SORL1: variants seen among roughly 807,000 people sequenced by gnomAD.
SORL1 encodes sortilin related receptor 1, also known as sortilin-related receptor.
SORL1 carries 127 observed loss-of-function variants against 273.7 expected under a neutral mutation model. The observed-to-expected ratio is 0.46, with a 90% CI of 0.40 to 0.54. SORL1 has a LOEUF of 0.54. Among genes scored for constraint, SORL1 ranks in the 20% least tolerant of loss-of-function variants. The probability of loss-of-function intolerance (pLI) is 0.00; values close to 1 mark genes in which losing one functional copy is unlikely to be tolerated. For synonymous variants in SORL1, 1,031 were observed against 1,067.4 expected (o/e 0.97, Z 0.66); for missense variants, 2,494 against 2,846.1 (o/e 0.88, Z 2.81).
At chr11:121,487,238 A>G (rs1025641396) in intron 3 of SORL1, among the ~76,000 whole-genome samples, 2 of 152,202 alleles carry the variant, frequency 1.3e-5, no homozygotes, top group African/African-American at 4.8e-5. Flanking sequence ...ACTTGAGGGA[A>G]GGCATCTTGG....
At chr11:121,566,040 CTGGATTTTTGTCCTGGGCCCACCA>C (rs1053160872) in intron 21 of SORL1, among the ~76,000 whole-genome samples, 1 of 152,148 alleles carries the variant, frequency 6.6e-6, no homozygotes, top group African/African-American at 2.4e-5. Context: ...AAGGGGAGGC[CTGGATTTTTGTCCTGGGCCCACCA>C]TTAACCAGGT....
At chr11:121,524,049 T>C (rs1862082491) in intron 11 of SORL1, among the ~76,000 whole-genome samples, 1 of 152,176 alleles carries the variant, frequency 6.6e-6, no homozygotes, top group Admixed American at 6.5e-5. Flanking sequence ...GCTCAGACAC[T>C]GTGTACTGTA....
intron 39 of SORL1, 188 bp downstream of exon 39, chr11:121,611,346 T>C (rs570650642): frequency 2.0e-6 from 1 of 496,890 alleles, no homozygotes; most frequent in African/African-American, 1.9e-5. Flanking sequence ...AACTTGAGTC[T>C]TCACATGTAA....
chr11:121,629,562 GA>G lies in SORL1; in HGVS notation c.*2del. 2 of 1,490,786 alleles carry G rather than the reference GA, an allele frequency of 1.3e-6. No individual in the cohort carries two copies. Among genetic ancestry groups the G allele is most frequent in the Non-Finnish European group, 1.9e-6 (2 of 1,067,490 alleles). 92.3% of individuals were successfully genotyped at this position (1,490,786 alleles called of 1,614,324 possible). A position where few individuals can be genotyped will look rare whatever the true frequency, so the allele number is the denominator to read the frequency against. On this transcript the variant is annotated frameshift_variant and stop_lost, in exon 48 of 48. Transcript: ENST00000260197. LOFTEE classifies it high-confidence loss of function. ...FSDDVPMVIA[*>X] is the part of the protein sequence containing the mutation. ...GATGACGTCCCCATGGTGATAGCCT[GA>G]AAGAGCTTTCCTCACTAGAAACCAA...
intron 8 of SORL1, among the ~76,000 whole-genome samples, chr11:121,517,692 C>T (rs1204333267): frequency 6.6e-6 from 1 of 152,214 alleles, no homozygotes; most frequent in Non-Finnish European, 1.5e-5. Flanking sequence ...CCCTCCTTGC[C>T]TGAGCGCACA....
At chr11:121,598,234 A>C (rs1400684709) in intron 32 of SORL1, among the ~76,000 whole-genome samples, 1 of 152,218 alleles carries the variant, frequency 6.6e-6, no homozygotes, top group African/African-American at 2.4e-5. Context: ...CCAGGTGCCC[A>C]TTAGGAGGCT....
chr11:121,491,546 C>A (rs1861553217), intron 5 of SORL1, among the ~76,000 whole-genome samples: 1 of 152,144 alleles, frequency 6.6e-6, no homozygotes, highest in African/African-American at 2.4e-5. Flanking sequence ...TCTTCACCAC[C>A]CCAAATCAGC....
intron 23 of SORL1, among the ~76,000 whole-genome samples, chr11:121,572,236 G>A (rs1346505476): frequency 6.6e-6 from 1 of 152,148 alleles, no homozygotes; most frequent in Admixed American, 6.5e-5. Flanking sequence ...AGTTTTGAGA[G>A]GAATGAAGAC....
At chr11:121,497,942 G>C (rs991311886) in intron 6 of SORL1, among the ~76,000 whole-genome samples, 1 of 152,202 alleles carries the variant, frequency 6.6e-6, no homozygotes, top group African/African-American at 2.4e-5. Context: ...ATTGGTAGCA[G>C]GCCAGGTGGA....
chr11:121,587,968 C>T, intron 27 of SORL1, 52 bp from the exon 28 acceptor site: 1 of 1,604,192 alleles, frequency 6.2e-7, no homozygotes, highest in Non-Finnish European at 8.5e-7. Context: ...GGCTAGAGGG[C>T]CCAGCCAGCC....
chr11:121,621,613 T>C (rs778308722), intron 44 of SORL1, among the ~76,000 whole-genome samples: 27 of 152,220 alleles, frequency 1.8e-4, no homozygotes, highest in Non-Finnish European at 3.2e-4. Context: ...CAGTGGTCCA[T>C]TGTGGCAATC....
At chr11:121,544,879 C>T (rs1253184045) in intron 13 of SORL1, among the ~76,000 whole-genome samples, 2 of 152,176 alleles carry the variant, frequency 1.3e-5, no homozygotes, top group Non-Finnish European at 2.9e-5. Flanking sequence ...GGAACATTAA[C>T]CCCCAATGGT....
chr11:121,452,580 T>G lies in SORL1; in HGVS notation c.249T>G (p.Ala83=). The G allele has an allele frequency of 6.6e-7, 1 of 1,522,896 alleles. No individual in the cohort carries two copies. The highest frequency in any genetic ancestry group is 8.8e-7 in the Non-Finnish European group (1 of 1,142,816). 94.3% of individuals were successfully genotyped at this position (1,522,896 alleles called of 1,614,324 possible). Residue 83 remains alanine (A), a synonymous_variant, in exon 1 of 48, where the codon GCT becomes GCG. Transcript: ENST00000260197. This position sits in a 1 kb window ranked among gnomAD's most constrained non-coding sequence, Gnocchi z 5.3. ...AGCCGCTCCGGAGGAAACGGAGCGCTGCCCTGCAGCCCGAGCCCATCAAGG... is the reference window on the plus strand; with the variant it reads ...AGCCGCTCCGGAGGAAACGGAGCGCGGCCCTGCAGCCCGAGCCCATCAAGG... The part of the protein sequence containing the change: ...DEKPLRRKRS[A]ALQPEPIKVY...
Position 121,492,940 on chromosome 11 carries a change from T to A in SORL1, c.758+2830T>A, listed in dbSNP as rs572463211. ...GCCTCAGCCTCCTGAGTAGCTGGGA[T>A]TACAGGTGCCTGCCACCACGCCTGG... On this transcript the variant is annotated intron_variant, in intron 5 of 47. Coordinates refer to ENST00000260197, the MANE Select transcript of SORL1 (RefSeq NM_003105.6). 4.0e-5 allele frequency among the ~76,000 whole-genome samples: 6 copies of A among 151,768 alleles called. No homozygotes were observed. In the East Asian group the frequency reaches 9.7e-4, roughly 25 times the overall value.
intron 46 of SORL1, 41 bp downstream of exon 46, chr11:121,625,318 G>A: frequency 1.3e-6 from 2 of 1,486,916 alleles, no homozygotes; most frequent in Non-Finnish European, 1.9e-6. Context: ...TCAGTTCTAG[G>A]GAAATAGCAA....
chr11:121,490,066 C>G lies in SORL1; in HGVS notation c.714C>G (p.Gly238=). ...NKQLWKSDDF[G]QTWIMIQEHV... ...AGCTGTGGAAGTCAGATGACTTTGG[C>G]CAGACCTGGATCATGATTCAGGAAC... Residue 238 remains glycine (G), a synonymous_variant, in exon 5 of 48, where the codon GGC becomes GGG. Transcript: ENST00000260197. The G allele has an allele frequency of 6.2e-7, 1 of 1,613,804 alleles. No individual in the cohort carries two copies. The highest frequency in any genetic ancestry group is 8.5e-7 in the Non-Finnish European group (1 of 1,179,718).
intron 3 of SORL1, among the ~76,000 whole-genome samples, chr11:121,480,545 C>G (rs1174574401): frequency 1.3e-5 from 2 of 151,982 alleles, no homozygotes; most frequent in African/African-American, 4.8e-5. Context: ...GCTTCATCTC[C>G]TCCTCCTCAC....
intron 16 of SORL1, among the ~76,000 whole-genome samples, chr11:121,553,368 G>T (rs1862533269): frequency 6.6e-6 from 1 of 152,184 alleles, no homozygotes; most frequent in Non-Finnish European, 1.5e-5. Flanking sequence ...TGGTGATTAT[G>T]TTGTGGAACA....
intron 3 of SORL1, among the ~76,000 whole-genome samples, chr11:121,486,757 C>G (rs1861478801): frequency 1.3e-5 from 2 of 152,016 alleles, no homozygotes; most frequent in Non-Finnish European, 2.9e-5. Flanking sequence ...GGGATTACAG[C>G]CGCGAGCCAC....
Sources: gnomAD v4.1 joint callset for allele counts (sites outside exome capture counted in the v4.1 genomes callset) on GRCh38, gnomAD v4.1.1 for gene constraint, Gnocchi (gnomAD v3.1) non-coding constraint, MANE v1.5 for transcripts, NCBI Gene and HGNC (gene_info 2026-07-23, HGNC 2026-07-21) for gene names.